The following LTF variants were observed in gnomAD, a reference collection of about 807,000 sequenced individuals.
The protein encoded by LTF is lactotransferrin.
Under a neutral mutation model 87.2 loss-of-function variants are expected in LTF, and 91 were observed. The observed-to-expected ratio is 1.04, with a 90% CI of 0.88 to 1.24. The LOEUF is 1.24. LTF is among the 50% of genes most tolerant of loss of function. The pLI, the probability that LTF is intolerant of heterozygous loss-of-function variation, is 0.00. For synonymous variants in LTF, 378 were observed against 356.1 expected (o/e 1.06, Z -0.69); for missense variants, 901 against 904.3 (o/e 1.00, Z 0.05).
Position 46,437,940 on chromosome 3 carries a change from G to A in LTF, c.2098C>T (p.Pro700Ser), listed in dbSNP as rs137886255. The change falls in exon 16 of 17, where the codon CCC (proline) becomes TCC (serine). Residue 700 changes from proline to serine, a missense_variant and splice_region_variant. By Grantham distance (74) the Pro-to-Ser change is moderately conservative. Coordinates refer to ENST00000231751, the MANE Select transcript of LTF (RefSeq NM_002343.6). ...GGGATGCTAGCTAGGGTCTACTTAC[G>A]GGAGGTTGAGCACTTTTTCAGATTA... Reference protein sequence around the residue: ...ITNLKKCSTSPLLEACEFLRK With the variant: ...ITNLKKCSTSSLLEACEFLRK 7.4e-5 allele frequency: 119 copies of A among 1,613,462 alleles called. 1 individual carries two copies. The highest frequency in any genetic ancestry group is 7.1e-4 in the African/African-American group (53 of 74,926).
At chr3:46,460,499 T>C (rs116447024) in intron 1 of LTF, 93 of 449,528 alleles carry the variant, frequency 2.1e-4, no homozygotes, top group African/African-American at 1.8e-3. Context: ...CTGGTTCTTC[T>C]TTTGAGCCTG....
chr3:46,482,823 G>GAA (rs1161138971), intron 1 of LTF, among the ~76,000 whole-genome samples: 4 of 145,968 alleles, frequency 2.7e-5, no homozygotes, highest in East Asian at 2.1e-4. Context: ...AAGAAAGAAA[G>GAA]AGAAAGGGAG....
chr3:46,473,133 C>T (rs544716277), intron 1 of LTF, among the ~76,000 whole-genome samples: 14 of 152,092 alleles, frequency 9.2e-5, no homozygotes, highest in African/African-American at 2.9e-4. Context: ...CTCTCCTGAC[C>T]CTCATCTCCC....
chr3:46,459,634 C>T lies in LTF; in HGVS notation c.207+22G>A, dbSNP rs76030154. 1.0e-3 allele frequency: 1,457 copies of T among 1,406,554 alleles called. 13 individuals are homozygous for T. The East Asian group carries it at 0.025, about 24-fold the overall frequency. 87.1% of individuals were successfully genotyped at this position (1,406,554 alleles called of 1,614,324 possible). A position where few individuals can be genotyped will look rare whatever the true frequency, so the allele number is the denominator to read the frequency against. On this transcript the variant is annotated intron_variant, in intron 2 of 16. Coordinates refer to ENST00000231751, the MANE Select transcript of LTF (RefSeq NM_002343.6). ...TCCCTTCCATTCAGCTTGGTCCCAA[C>T]CAACACCCGGCATTGACTCACCGCA... is the stretch of plus-strand genomic sequence containing the variant.
intron 1 of LTF, among the ~76,000 whole-genome samples, chr3:46,474,111 T>C (rs1398522686): frequency 6.6e-6 from 1 of 152,162 alleles, no homozygotes; most frequent in Non-Finnish European, 1.5e-5. Flanking sequence ...CACTAACATA[T>C]CAATAATTAC....
intron 11 of LTF, 58 bp from the exon 12 acceptor site, chr3:46,445,494 A>G: frequency 6.6e-7 from 1 of 1,518,602 alleles, no homozygotes; most frequent in Non-Finnish European, 9.0e-7. Flanking sequence ...TGGCACATGG[A>G]TTCCAGTGGA....
In LTF at chr3:46,482,579, G is replaced by GAAA. The variant is rs764575558; in HGVS notation, c.-320+2406_-320+2407insTTT. Reference sequence around the variant, plus strand: ...GGAAGGGAAGGGAAGGGAAAGGAAAGGAAGGGAGAAAGAGAGAGAAAGAAA... The same window carrying GAAA: ...GGAAGGGAAGGGAAGGGAAAGGAAAGAAAGAAGGGAGAAAGAGAGAGAAAGAAA... On this transcript the variant is annotated intron_variant, in intron 1 of 19. Coordinates refer to the LTF transcript ENST00000443496. Among the ~76,000 whole-genome samples the GAAA allele has an allele frequency of 4.4e-3, 467 of 107,022 alleles. 87 individuals are homozygous for GAAA. Among genetic ancestry groups the GAAA allele is most frequent in the East Asian group, 0.014 (40 of 2,798 alleles). The allele number at this position is 107,022 out of a possible 152,430, so 70.2% of individuals were successfully genotyped here.
rs747787952 is a variant in LTF at position 46,441,425 on chromosome 3, T to C, written c.1714A>G (p.Asn572Asp). 2 of 1,612,934 alleles carry C rather than the reference T, an allele frequency of 1.2e-6. No homozygotes were observed. Among genetic ancestry groups the C allele is most frequent in the African/African-American group, 1.3e-5 (1 of 74,892 alleles). Residue 572 changes from asparagine (N) to aspartate (D), a missense_variant, in exon 14 of 17, where the codon AAC becomes GAC. Asn to Asp is a conservative substitution (Grantham distance 23). Coordinates refer to ENST00000231751, the MANE Select transcript of LTF (RefSeq NM_002343.6). ...AFVKDVTVLQ[N>D]TDGNNNEAWA... ...AAACACCTTCACCTACCATCAGTGT[T>C]CTGCAAGACAGTGACATCTTTCACA...
intron 1 of LTF, among the ~76,000 whole-genome samples, chr3:46,473,745 A>T (rs1703322852): frequency 6.6e-6 from 1 of 152,126 alleles, no homozygotes; most frequent in Non-Finnish European, 1.5e-5. Context: ...AACTGTCATG[A>T]TTATACTGTG....
intron 6 of LTF, chr3:46,453,996 C>A (rs1702863562): frequency 5.6e-6 from 2 of 357,672 alleles, no homozygotes; most frequent in South Asian, 8.9e-5. Flanking sequence ...TCTATGAACC[C>A]AGAAACCGGA....
Position 46,445,344 on chromosome 3 carries a change from T to C in LTF, c.1450A>G (p.Arg484Gly), listed in dbSNP as rs762688257. ...GKKSCHTAVD[R>G]TAGWNIPMGL... ...ATGGGGATATTCCAGCCTGCAGTCC[T>C]GTCCACGGCGGTGTGGCAGGACTTC... Residue 484 changes from arginine to glycine, a missense_variant, in exon 12 of 17, where the codon AGG (arginine) becomes GGG (glycine). Arg to Gly is a moderately radical substitution (Grantham distance 125). Coordinates refer to ENST00000231751, the MANE Select transcript of LTF (RefSeq NM_002343.6). 6.2e-7 allele frequency: 1 copy of C among 1,614,030 alleles called. No homozygotes were observed. The highest frequency in any genetic ancestry group is 8.5e-7 in the Non-Finnish European group (1 of 1,179,936).
intron 6 of LTF, among the ~76,000 whole-genome samples, chr3:46,451,836 C>G (rs1241216662): frequency 6.6e-6 from 1 of 152,188 alleles, no homozygotes; most frequent in Non-Finnish European, 1.5e-5. Context: ...CTCATGTGAT[C>G]CACCCGCCTC....
intron 2 of LTF, among the ~76,000 whole-genome samples, chr3:46,457,913 G>A (rs5015750): frequency 0.066 from 9,979 of 151,710 alleles, 436 homozygotes; most frequent in South Asian, 0.15. Flanking sequence ...GAGTAGCTGG[G>A]ACTACAGGCG....
Position 46,454,303 on chromosome 3 carries a change from AC to A in LTF, c.703+1del. On this transcript the variant is annotated splice_donor_variant, in intron 6 of 16. Transcript: ENST00000231751. LOFTEE classifies it high-confidence loss of function. ...ACCCACGGCTCATTACCCTGCTCTT[AC>A]CAAACACTGTGCTCTCTCTGATAAA... 6.2e-7 allele frequency: 1 copy of A among 1,614,104 alleles called. No individual in the cohort carries two copies. The highest frequency in any genetic ancestry group is 1.1e-5 in the South Asian group (1 of 91,080).
chr3:46,472,952 T>C (rs888085189), intron 1 of LTF, among the ~76,000 whole-genome samples: 12 of 152,136 alleles, frequency 7.9e-5, no homozygotes, highest in African/African-American at 2.7e-4. Context: ...CCCATGTCTC[T>C]AGGTCAATAC....
intron 1 of LTF, among the ~76,000 whole-genome samples, chr3:46,471,783 T>C (rs1377864462): frequency 6.6e-6 from 1 of 152,154 alleles, no homozygotes; most frequent in Non-Finnish European, 1.5e-5. Flanking sequence ...CTACTTCTCC[T>C]ACTGAAAGGT....
intron 1 of LTF, 98 bp downstream of exon 1, chr3:46,464,727 C>T: frequency 2.2e-6 from 3 of 1,377,692 alleles, no homozygotes; most frequent in Middle Eastern, 2.2e-4. Context: ...GCAGAGACCC[C>T]GCGCCCAGCC....
chr3:46,437,089 G>T (rs1160959238), intron 16 of LTF, among the ~76,000 whole-genome samples: 2 of 152,200 alleles, frequency 1.3e-5, no homozygotes, highest in Non-Finnish European at 2.9e-5. Flanking sequence ...CTGGGTGAGG[G>T]ACCAGGAATA....
chr3:46,470,937 T>C (rs1300358202), intron 1 of LTF, among the ~76,000 whole-genome samples: 1 of 152,188 alleles, frequency 6.6e-6, no homozygotes, highest in Non-Finnish European at 1.5e-5. Context: ...CTGTCATTGA[T>C]ATTTGCAGAC....
Sources: gnomAD v4.1 joint callset for allele counts (sites outside exome capture counted in the v4.1 genomes callset) on GRCh38, gnomAD v4.1.1 for gene constraint, MANE v1.5 for transcripts, NCBI Gene and HGNC (gene_info 2026-07-23, HGNC 2026-07-21) for gene names.